Variants in ZDHHC21 observed in about 807,000 individuals in gnomAD.
The protein encoded by ZDHHC21 is zDHHC palmitoyltransferase 21, also known as palmitoyltransferase ZDHHC21.
In ZDHHC21, 15 loss-of-function variants were observed where a neutral mutation model predicts 34.6. The observed-to-expected ratio is 0.43, with a 90% CI of 0.29 to 0.67. The LOEUF (loss-of-function observed/expected upper bound fraction) is 0.67. Among genes scored for constraint, ZDHHC21 ranks in the 30% least tolerant of loss-of-function variants. The probability of loss-of-function intolerance (pLI) is 0.14; values close to 1 mark genes in which losing one functional copy is unlikely to be tolerated. For missense variants in ZDHHC21, 344 were observed against 327.7 expected (o/e 1.05, Z -0.38); for synonymous variants, 142 against 101.8 (o/e 1.40, Z -2.38).
At chr9:14,608,973 T>C (rs769652232), downstream of ZDHHC21, among the ~76,000 whole-genome samples, 2 of 152,162 alleles carry the variant, frequency 1.3e-5, no homozygotes, top group Non-Finnish European at 2.9e-5. Flanking sequence ...AGCTGGAATA[T>C]ACAGATACAC....
In ZDHHC21 at chr9:14,640,017, A is replaced by G. The variant is rs372100886; in HGVS notation, c.505-5T>C. ...ATGTCTAAAAACAAAGAGGTCCTAA[A>G]AAGAAAAAGAAAGTCTTAAAAACCA... On this transcript the variant is annotated splice_polypyrimidine_tract_variant and splice_region_variant and intron_variant, in intron 7 of 9. Coordinates refer to ENST00000380916, the MANE Select transcript of ZDHHC21 (RefSeq NM_178566.6). 35 of 1,552,876 alleles carry G rather than the reference A, an allele frequency of 2.3e-5. No homozygotes were observed. The African/African-American group carries it at 3.7e-4, about 16-fold the overall frequency.
At chr9:14,645,301 C>G (rs1830096400) in intron 7 of ZDHHC21, among the ~76,000 whole-genome samples, 1 of 151,994 alleles carries the variant, frequency 6.6e-6, no homozygotes, top group Non-Finnish European at 1.5e-5. Flanking sequence ...GAAACAGACA[C>G]ACACACATAT....
intron 7 of ZDHHC21, among the ~76,000 whole-genome samples, chr9:14,650,516 A>G (rs951147649): frequency 6.6e-6 from 1 of 152,028 alleles, no homozygotes; most frequent in Non-Finnish European, 1.5e-5. Context: ...TTAAGAAAAT[A>G]AAAGTTATTA....
intron 1 of ZDHHC21, among the ~76,000 whole-genome samples, chr9:14,690,995 G>C (rs375578057): frequency 1.3e-5 from 2 of 152,070 alleles, no homozygotes; most frequent in East Asian, 3.8e-4. Flanking sequence ...TAATATAAAA[G>C]TAAAACTGAA....
chr9:14,615,040 T>C lies in ZDHHC21; in HGVS notation c.*3926A>G, dbSNP rs543549215. The C allele has an allele frequency of 1.3e-5, 2 of 151,832 alleles. No individual in the cohort carries two copies. Among genetic ancestry groups the C allele is most frequent in the South Asian group, 4.1e-4 (2 of 4,830 alleles). 9.4% of individuals were successfully genotyped at this position (151,832 alleles called of 1,614,324 possible). A position where few individuals can be genotyped will look rare whatever the true frequency, so the allele number is the denominator to read the frequency against. ...AGAGACTAGCAGCTCTATTAATTAG[T>C]ATTAATGGCATATTAAACCAGAGCT... On this transcript the variant is annotated 3_prime_UTR_variant, in exon 10 of 10. Coordinates refer to ENST00000380916, the MANE Select transcript of ZDHHC21 (RefSeq NM_178566.6).
rs964387485 is a variant in ZDHHC21, at chr9:14,640,117, T to G, written c.505-105A>C. 72 of 567,518 alleles carry G rather than the reference T, an allele frequency of 1.3e-4. No individual in the cohort carries two copies. The South Asian group carries it at 2.2e-3, about 18-fold the overall frequency. 35.2% of individuals were successfully genotyped at this position (567,518 alleles called of 1,614,324 possible). On this transcript the variant is annotated intron_variant, in intron 7 of 9. Coordinates refer to ENST00000380916, the MANE Select transcript of ZDHHC21 (RefSeq NM_178566.6). ...GCCATAACACATCTTCCTTATTATC[T>G]TAAAAGAACTACCTCTCCCTCTTTT...
intron 3 of ZDHHC21, among the ~76,000 whole-genome samples, chr9:14,674,707 C>T (rs942064699): frequency 8.6e-5 from 13 of 152,010 alleles, no homozygotes; most frequent in Non-Finnish European, 1.8e-4. Flanking sequence ...AACCCAGCAA[C>T]TTCCTGTGTA....
chr9:14,625,559 T>C (rs552858731), intron 8 of ZDHHC21, among the ~76,000 whole-genome samples: 1 of 152,168 alleles, frequency 6.6e-6, no homozygotes, highest in South Asian at 2.1e-4. Flanking sequence ...CATAGGTTTT[T>C]GTGGGGATTA....
At chr9:14,670,120 A>G (rs1835192212) in intron 5 of ZDHHC21, among the ~76,000 whole-genome samples, 2 of 152,190 alleles carry the variant, frequency 1.3e-5, no homozygotes, top group Non-Finnish European at 1.5e-5. Context: ...ATTTTCACTA[A>G]AAGGCGATAT....
intron 1 of ZDHHC21, among the ~76,000 whole-genome samples, 172 bp downstream of exon 1, chr9:14,693,057 G>A (rs1349221735): frequency 2.6e-5 from 4 of 151,552 alleles, no homozygotes; most frequent in Non-Finnish European, 4.4e-5. Flanking sequence ...GAAACCCCCG[G>A]GTTCCAAACA....
At chr9:14,607,443 TATC>T (rs1220813955), downstream of ZDHHC21, among the ~76,000 whole-genome samples, 2 of 152,142 alleles carry the variant, frequency 1.3e-5, no homozygotes, top group Non-Finnish European at 2.9e-5. Flanking sequence ...GATAATCATA[TATC>T]ATTATATGAT....
intron 7 of ZDHHC21, among the ~76,000 whole-genome samples, chr9:14,645,265 T>C (rs976421839): frequency 6.6e-6 from 1 of 151,814 alleles, no homozygotes; most frequent in Non-Finnish European, 1.5e-5. Context: ...GAGAGACAAA[T>C]AGATCAACAG....
Position 14,618,454 on chromosome 9 carries a change from T to G in ZDHHC21, c.*512A>C, listed in dbSNP as rs1022807399. The G allele has an allele frequency of 6.6e-6, 1 of 152,582 alleles. No individual in the cohort carries two copies. The highest frequency in any genetic ancestry group is 2.4e-5 in the African/African-American group (1 of 41,442). 9.5% of individuals were successfully genotyped at this position (152,582 alleles called of 1,614,324 possible). A position where few individuals can be genotyped will look rare whatever the true frequency, so the allele number is the denominator to read the frequency against. On this transcript the variant is annotated 3_prime_UTR_variant, in exon 10 of 10. Transcript: ENST00000380916. ...TTGTTCACTCCTATGCTGCTGCATT[T>G]TTAAAAACGTTGCAGCACATTTAAA...
chr9:14,653,621 A>G (rs1235758582), intron 7 of ZDHHC21, among the ~76,000 whole-genome samples: 2 of 151,748 alleles, frequency 1.3e-5, no homozygotes, highest in Non-Finnish European at 2.9e-5. Context: ...TATCTCACCT[A>G]TGAAGTCCAC....
At chr9:14,663,774 A>G (rs1833840039) in intron 5 of ZDHHC21, among the ~76,000 whole-genome samples, 1 of 152,216 alleles carries the variant, frequency 6.6e-6, no homozygotes, top group Non-Finnish European at 1.5e-5. Flanking sequence ...TTTTAAAAGA[A>G]AATACTTTTT....
At chr9:14,662,176 C>T (rs1279662303) in intron 6 of ZDHHC21, 39 bp downstream of exon 6, 3 of 1,421,062 alleles carry the variant, frequency 2.1e-6, no homozygotes, top group Non-Finnish European at 2.9e-6. Context: ...ATTTTATTAC[C>T]CACCCCTCTT....
chr9:14,675,695 T>C (rs1042679674), intron 3 of ZDHHC21, among the ~76,000 whole-genome samples: 1 of 151,936 alleles, frequency 6.6e-6, no homozygotes, highest in East Asian at 1.9e-4. Context: ...AACAGTCTAA[T>C]GGGAAAAAGA....
At chr9:14,644,700 GC>G (rs1247608616) in intron 7 of ZDHHC21, among the ~76,000 whole-genome samples, 1 of 151,488 alleles carries the variant, frequency 6.6e-6, no homozygotes, top group East Asian at 1.9e-4. Flanking sequence ...ATTTTCTAGT[GC>G]AAAAACCACC....
chr9:14,619,868 C>CAAA (rs1824975495), intron 8 of ZDHHC21, among the ~76,000 whole-genome samples, 186 bp from the exon 9 acceptor site: 2 of 120,660 alleles, frequency 1.7e-5, no homozygotes, highest in South Asian at 6.0e-4. Flanking sequence ...AAAACAAAAT[C>CAAA]AACATTATAC....
Sources: allele counts gnomAD v4.1 joint callset (sites outside exome capture counted in the v4.1 genomes callset), GRCh38; gene constraint gnomAD v4.1.1; transcripts MANE v1.5; gene names NCBI Gene and HGNC (gene_info 2026-07-23, HGNC 2026-07-21).